Variants in PIP5K1B observed in about 807,000 individuals in gnomAD.
PIP5K1B encodes the protein phosphatidylinositol 4-phosphate 5-kinase type-1 beta.
A neutral mutation model predicts 67.0 loss-of-function variants in PIP5K1B; 42 were observed. The observed-to-expected ratio is 0.63, with a 90% CI of 0.49 to 0.81. PIP5K1B has a LOEUF of 0.81. Ranked by LOEUF, PIP5K1B falls within the 30% of genes least tolerant of loss-of-function variation. PIP5K1B has a pLI of 0.00. For synonymous variants in PIP5K1B, 214 were observed against 231.4 expected, an observed-to-expected ratio of 0.92 and a Z score of 0.68; for missense variants, 459 against 646.3, an observed-to-expected ratio of 0.71 and a Z score of 3.14.
At chr9:68,731,645 G>A (rs1253174133) in intron 1 of PIP5K1B, among the ~76,000 whole-genome samples, 2 of 152,164 alleles carry the variant, frequency 1.3e-5, no homozygotes, top group Admixed American at 6.5e-5. Flanking sequence ...ACTCAATTAG[G>A]GGAAGATAAT....
At chr9:68,808,375 C>G (rs1832981447) in intron 2 of PIP5K1B, among the ~76,000 whole-genome samples, 1 of 151,838 alleles carries the variant, frequency 6.6e-6, no homozygotes, top group South Asian at 2.1e-4. Context: ...TCATGACTAT[C>G]TAACTAATTA....
chr9:68,947,982 A>G (rs1235038939), intron 14 of PIP5K1B, among the ~76,000 whole-genome samples: 1 of 152,168 alleles, frequency 6.6e-6, no homozygotes, highest in Non-Finnish European at 1.5e-5. Context: ...GCCATCACCC[A>G]TGCCCTTACA....
intron 14 of PIP5K1B, 97 bp downstream of exon 14, chr9:68,940,887 C>A: frequency 9.1e-7 from 1 of 1,099,146 alleles, no homozygotes; most frequent in Non-Finnish European, 1.4e-6. Context: ...CTCTAACAAC[C>A]AGGATGTGCC....
rs190733504 is a variant in PIP5K1B, at chr9:68,765,492, G to C, written c.-86+22835G>C. Reference sequence around the variant, plus strand: ...CTTGTCTGAGTTGGATTAAAGCAAAGTTCCAAGCAGAAGTGCCAGAGCTAT... The same window carrying C: ...CTTGTCTGAGTTGGATTAAAGCAAACTTCCAAGCAGAAGTGCCAGAGCTAT... On this transcript the variant is annotated intron_variant, in intron 2 of 15. Coordinates refer to ENST00000265382, the MANE Select transcript of PIP5K1B (RefSeq NM_003558.4). 9.6e-3 allele frequency among the ~76,000 whole-genome samples: 1,464 copies of C among 152,116 alleles called. 14 individuals are homozygous for C. Among genetic ancestry groups the C allele is most frequent in the Non-Finnish European group, 0.016 (1,106 of 67,952 alleles).
At chr9:68,812,627 T>C (rs747055258) in intron 2 of PIP5K1B, among the ~76,000 whole-genome samples, 1 of 152,260 alleles carries the variant, frequency 6.6e-6, no homozygotes, top group African/African-American at 2.4e-5. Context: ...ATGTCCTTAC[T>C]TGGCCATTGG....
In PIP5K1B at chr9:68,855,871, C is replaced by G. The variant is rs536253245; in HGVS notation, c.70-7966C>G. Among the ~76,000 whole-genome samples, 206 of 152,306 alleles carry G rather than the reference C, an allele frequency of 1.4e-3. 5 individuals are homozygous for G. Among genetic ancestry groups the G allele is most frequent in the Admixed American group, 0.012 (188 of 15,304 alleles). On this transcript the variant is annotated intron_variant, in intron 4 of 15. Transcript: ENST00000265382. ...TGGGACAACCTCTTGCTTCTGAGTTCTTCAAATCATTTCTCAAGTTCTTTC... is the reference window on the plus strand; with the variant it reads ...TGGGACAACCTCTTGCTTCTGAGTTGTTCAAATCATTTCTCAAGTTCTTTC...
chr9:68,854,563 A>T (rs1822673773), intron 4 of PIP5K1B, among the ~76,000 whole-genome samples: 1 of 152,244 alleles, frequency 6.6e-6, no homozygotes, highest in African/African-American at 2.4e-5. Flanking sequence ...TGTTATGATT[A>T]CATTTTATAA....
chr9:68,787,005 C>T (rs1325497896), intron 2 of PIP5K1B, among the ~76,000 whole-genome samples: 8 of 152,150 alleles, frequency 5.3e-5, no homozygotes, highest in African/African-American at 1.4e-4. Flanking sequence ...GAAAATGAGT[C>T]GGCCCTCTCC....
chr9:68,738,417 A>G (rs1388093886), intron 1 of PIP5K1B, among the ~76,000 whole-genome samples: 2 of 152,228 alleles, frequency 1.3e-5, no homozygotes, highest in African/African-American at 4.8e-5. Flanking sequence ...GGGTCCACCT[A>G]CATATGGTTG....
rs542676944 is a variant in PIP5K1B, at chr9:68,814,260, G to A, written c.-85-4201G>A. On this transcript the variant is annotated intron_variant, in intron 2 of 15. Coordinates refer to ENST00000265382, the MANE Select transcript of PIP5K1B (RefSeq NM_003558.4). ...AAATGGGCAGCGAAAATAGTGTATA[G>A]TCATTTTGCTTTCTTAATTGAAAAA... Among the ~76,000 whole-genome samples the A allele has an allele frequency of 3.9e-5, 6 of 152,284 alleles. No homozygotes were observed. The South Asian group carries it at 1.2e-3, about 32-fold the overall frequency.
intron 13 of PIP5K1B, among the ~76,000 whole-genome samples, chr9:68,937,022 T>C (rs898194571): frequency 1.3e-5 from 2 of 152,244 alleles, no homozygotes; most frequent in Non-Finnish European, 2.9e-5. Flanking sequence ...CAGTATTTCA[T>C]TGAGGATTTT....
At chr9:68,837,357 A>G (rs1834667574) in intron 4 of PIP5K1B, among the ~76,000 whole-genome samples, 1 of 152,228 alleles carries the variant, frequency 6.6e-6, no homozygotes, top group Admixed American at 6.5e-5. Flanking sequence ...AGTCCTCAAG[A>G]GTACTAAGCA....
chr9:68,931,139 GT>G (rs1190023073), intron 12 of PIP5K1B, among the ~76,000 whole-genome samples: 1 of 151,938 alleles, frequency 6.6e-6, no homozygotes, highest in East Asian at 1.9e-4. Flanking sequence ...CATGCTGCCG[GT>G]GTAATAATGT....
intron 15 of PIP5K1B, among the ~76,000 whole-genome samples, chr9:69,000,894 C>CTTTTT (rs35077587): frequency 3.5e-5 from 5 of 144,536 alleles, no homozygotes; most frequent in African/African-American, 7.7e-5. Flanking sequence ...GGGAGCACAA[C>CTTTTT]TTTTTTTTTT....
At chr9:68,789,946 T>G (rs931524590) in intron 2 of PIP5K1B, among the ~76,000 whole-genome samples, 1 of 152,224 alleles carries the variant, frequency 6.6e-6, no homozygotes, top group Admixed American at 6.5e-5. Context: ...AATTTTGGAT[T>G]TTTTTGTTTT....
At chr9:68,776,540 A>G (rs907690603) in intron 2 of PIP5K1B, among the ~76,000 whole-genome samples, 5 of 152,048 alleles carry the variant, frequency 3.3e-5, no homozygotes, top group African/African-American at 1.2e-4. Context: ...GAACTCCTGG[A>G]CTCAACAATG....
At chr9:68,831,680 T>C (rs1338536307) in intron 4 of PIP5K1B, among the ~76,000 whole-genome samples, 1 of 152,098 alleles carries the variant, frequency 6.6e-6, no homozygotes, top group Non-Finnish European at 1.5e-5. Context: ...TAATAGAATT[T>C]AACTTTTTTT....
At chr9:68,898,589 C>A (rs904161015) in intron 8 of PIP5K1B, among the ~76,000 whole-genome samples, 4 of 152,168 alleles carry the variant, frequency 2.6e-5, no homozygotes, top group Non-Finnish European at 5.9e-5. Flanking sequence ...AACTGCTCAT[C>A]CCAGGTACCC....
At chr9:68,802,425 A>T (rs1052219943) in intron 2 of PIP5K1B, among the ~76,000 whole-genome samples, 1 of 150,730 alleles carries the variant, frequency 6.6e-6, no homozygotes, top group Admixed American at 6.6e-5. Context: ...ACTGTGATGG[A>T]TAGAAAATGG....
Sources: gnomAD v4.1 joint callset for allele counts (sites outside exome capture counted in the v4.1 genomes callset) on GRCh38, gnomAD v4.1.1 for gene constraint, MANE v1.5 for transcripts, NCBI Gene and HGNC (gene_info 2026-07-23, HGNC 2026-07-21) for gene names.